The following ID3 variants were observed in gnomAD, a reference collection of about 807,000 sequenced individuals.
The protein encoded by ID3 is inhibitor of DNA binding 3, also known as DNA-binding protein inhibitor ID-3.
ID3 carries 4 observed loss-of-function variants against 9.6 expected under a neutral mutation model. That is an observed-to-expected ratio of 0.42 (90% CI 0.21 to 0.96). ID3 has a LOEUF of 0.96. ID3 is among the 40% of genes least tolerant of loss of function. The pLI is 0.30. For missense variants in ID3, 191 were observed against 164.5 expected (o/e 1.16, Z -0.88); for synonymous variants, 108 against 75.2 (o/e 1.44, Z -2.26).
chr1:23,559,388 C>G lies in ID3; in HGVS notation c.39G>C (p.Ala13=), dbSNP rs374832666. Residue 13 remains alanine, a synonymous_variant, in exon 1 of 3, where the codon GCG becomes GCC. Transcript: ENST00000374561. ...ALSPVRGCYE[A]VCCLSERSLA... The stretch of plus-strand genomic sequence containing the variant: ...GACTGCGTTCCGACAGGCAGCACAC[C>G]GCCTCGTAGCAGCCGCGCACCGGGC... 6.2e-7 allele frequency: 1 copy of G among 1,612,736 alleles called. No individual in the cohort carries two copies. Among genetic ancestry groups the G allele is most frequent in the East Asian group, 2.2e-5 (1 of 44,868 alleles).
Position 23,559,222 on chromosome 1 carries a change from T to G in ID3, c.205A>C (p.Ile69Leu), listed in dbSNP as rs753164192. The G allele has an allele frequency of 5.6e-6, 9 of 1,614,144 alleles. No individual in the cohort carries two copies. In the Admixed American group the frequency reaches 1.5e-4, roughly 27 times the overall value. The change falls in exon 1 of 3, where the codon ATC becomes CTC. Residue 69 changes from isoleucine to leucine, a missense_variant. Transcript: ENST00000374561. ...PRGTQLSQVE[I>L]LQRVIDYILD... ...ATGTAGTCGATGACGCGCTGTAGGATTTCCACCTGGCTAAGCTGAGTGCCT... is the reference window on the plus strand; with the variant it reads ...ATGTAGTCGATGACGCGCTGTAGGAGTTCCACCTGGCTAAGCTGAGTGCCT...
At position 23,559,304 on chromosome 1, in the gene ID3, C is replaced by T. The variant is rs142720912; in HGVS notation, c.123G>A (p.Leu41=). ...GPAAEEPLSL[L]DDMNHCYSRL... Reference sequence around the variant, plus strand: ...GGGAGTAGCAGTGGTTCATGTCGTCCAGCAAGCTCAGCGGCTCCTCAGCTG... The same window carrying T: ...GGGAGTAGCAGTGGTTCATGTCGTCTAGCAAGCTCAGCGGCTCCTCAGCTG... Residue 41 remains leucine, a synonymous_variant, in exon 1 of 3, where the codon CTG becomes CTA. Coordinates refer to ENST00000374561, the MANE Select transcript of ID3 (RefSeq NM_002167.5). The T allele has an allele frequency of 6.2e-6, 10 of 1,613,952 alleles. No individual in the cohort carries two copies. In the African/African-American group the frequency reaches 8.0e-5, roughly 13 times the overall value.
rs1386034939 is a variant in ID3 at position 23,558,109 on chromosome 1, C to G, written c.*332G>C. ...CTCCAAGGAGACCAGAAGACCAGCTCTGCCGCCGCCTTGGCATAGTTTGGA... is the reference window on the plus strand; with the variant it reads ...CTCCAAGGAGACCAGAAGACCAGCTGTGCCGCCGCCTTGGCATAGTTTGGA... On this transcript the variant is annotated 3_prime_UTR_variant, in exon 3 of 3. Coordinates refer to ENST00000374561, the MANE Select transcript of ID3 (RefSeq NM_002167.5). 6.5e-6 allele frequency: 1 copy of G among 152,790 alleles called. No individual in the cohort carries two copies. The highest frequency in any genetic ancestry group is 1.9e-4 in the East Asian group (1 of 5,204). 9.5% of individuals were successfully genotyped at this position (152,790 alleles called of 1,614,324 possible).
chr1:23,559,498 AC>A lies in ID3; in HGVS notation c.-73del. ...AGAAGTCCCGCTACAGTGACCTGCA[AC>A]GCGCGCACGCTCGCCGCGGCGGTCA... On this transcript the variant is annotated 5_prime_UTR_variant, in exon 1 of 3. Coordinates refer to ENST00000374561, the MANE Select transcript of ID3 (RefSeq NM_002167.5). 6.7e-7 allele frequency: 1 copy of A among 1,486,782 alleles called. No individual in the cohort carries two copies. The highest frequency in any genetic ancestry group is 9.0e-7 in the Non-Finnish European group (1 of 1,111,682). 92.1% of individuals were successfully genotyped at this position (1,486,782 alleles called of 1,614,324 possible).
Position 23,559,017 on chromosome 1 carries a change from T to C in ID3, c.303A>G (p.Thr101=). ...TGACAAGTTCCGGAGTGAGCTCGGC[T>C]GTCTGATTAGAGGAAAAGAGGGAAG... ...PPDGPHLPIQ[T]AELTPELVIS... The change falls in exon 2 of 3, where the codon ACA becomes ACG. Residue 101 remains threonine (T), a splice_region_variant and synonymous_variant. Coordinates refer to ENST00000374561, the MANE Select transcript of ID3 (RefSeq NM_002167.5). 2 of 1,614,120 alleles carry C rather than the reference T, an allele frequency of 1.2e-6. No individual in the cohort carries two copies. Among genetic ancestry groups the C allele is most frequent in the Non-Finnish European group, 1.7e-6 (2 of 1,179,982 alleles).
Position 23,558,973 on chromosome 1 carries a change from C to G in ID3, c.347G>C (p.Ser116Thr). 1 of 1,614,108 alleles carries G rather than the reference C, an allele frequency of 6.2e-7. No individual in the cohort carries two copies. The highest frequency in any genetic ancestry group is 8.5e-7 in the Non-Finnish European group (1 of 1,179,974). ...GACACGGCCGAGTCAGTGGCAAAAG[C>G]TCCTTTTGTCGTTGGAGATGACAAG... is the stretch of plus-strand genomic sequence containing the variant. ...PELVISNDKR[S>T]FCH The change falls in exon 2 of 3, where the codon AGC becomes ACC. Residue 116 changes from serine to threonine, a missense_variant. By Grantham distance (58) the Ser-to-Thr change is moderately conservative. Coordinates refer to ENST00000374561, the MANE Select transcript of ID3 (RefSeq NM_002167.5).
intron 2 of ID3, 98 bp downstream of exon 2, chr1:23,558,837 C>G (rs1643680740): frequency 1.3e-6 from 1 of 743,530 alleles, no homozygotes; most frequent in African/African-American, 1.8e-5. Context: ...TCTCTGGCCT[C>G]AGTTTCCCTA....
rs201168120 is a variant in ID3 at position 23,559,150 on chromosome 1, C to T, written c.277G>A (p.Asp93Asn). ...ACCTGGATGGGAAGGTGGGGGCCAT[C>T]AGGGGGTCCAGGGGCTGGCTCGGCC... ...VLAEPAPGPP[D>N]GPHLPIQTAE... Residue 93 changes from aspartate to asparagine, a missense_variant, in exon 1 of 3, where the codon GAT becomes AAT. Physicochemically the swap from Asp to Asn is conservative, Grantham distance 23. Transcript: ENST00000374561. 1 of 1,614,032 alleles carries T rather than the reference C, an allele frequency of 6.2e-7. No individual in the cohort carries two copies. Among genetic ancestry groups the T allele is most frequent in the African/African-American group, 1.3e-5 (1 of 74,930 alleles).
chr1:23,559,034 A>C lies in ID3; in HGVS notation c.301-15T>G. 1 of 1,613,952 alleles carries C rather than the reference A, an allele frequency of 6.2e-7. No individual in the cohort carries two copies. Among genetic ancestry groups the C allele is most frequent in the Non-Finnish European group, 8.5e-7 (1 of 1,179,820 alleles). ...AGCTCGGCTGTCTGATTAGAGGAAA[A>C]GAGGGAAGAGTTACGCGAGGCAATC... On this transcript the variant is annotated splice_polypyrimidine_tract_variant and intron_variant, in intron 1 of 2. Coordinates refer to ENST00000374561, the MANE Select transcript of ID3 (RefSeq NM_002167.5).
chr1:23,558,912 T>G, intron 2 of ID3, 23 bp downstream of exon 2: 2 of 1,537,622 alleles, frequency 1.3e-6, no homozygotes, highest in Non-Finnish European at 1.8e-6. Context: ...TAAACCTCCC[T>G]CTCCAAGAGA....
chr1:23,559,264 C>A lies in ID3; in HGVS notation c.163G>T (p.Val55Leu). The change falls in exon 1 of 3, where the codon GTA becomes TTA. Residue 55 changes from valine (V) to leucine (L), a missense_variant. Coordinates refer to ENST00000374561, the MANE Select transcript of ID3 (RefSeq NM_002167.5). The part of the protein sequence containing the change: ...NHCYSRLREL[V>L]PGVPRGTQLS... ...TGAGTGCCTCTCGGGACTCCGGGTA[C>A]CAGTTCCCGCAGGCGGGAGTAGCAG... 1 of 1,614,150 alleles carries A rather than the reference C, an allele frequency of 6.2e-7. No homozygotes were observed. The highest frequency in any genetic ancestry group is 1.3e-5 in the African/African-American group (1 of 75,058).
chr1:23,558,822 G>A (rs1643680527), intron 2 of ID3, 113 bp downstream of exon 2: 2 of 675,398 alleles, frequency 3.0e-6, no homozygotes, highest in South Asian at 1.7e-5. Flanking sequence ...CAAGTCACTT[G>A]TCCCTCTCTG....
rs559622290 is a variant in ID3, at chr1:23,558,811, G to A, written c.*25+124C>T. The stretch of plus-strand genomic sequence containing the variant: ...TGCCATTCATTTGATGCAACCATGG[G>A]CAAGTCACTTGTCCCTCTCTGGCCT... On this transcript the variant is annotated intron_variant, in intron 2 of 2. Transcript: ENST00000374561. 1.7e-5 allele frequency: 11 copies of A among 650,064 alleles called. No homozygotes were observed. In the South Asian group the frequency reaches 1.8e-4, roughly 11 times the overall value. 40.3% of individuals were successfully genotyped at this position (650,064 alleles called of 1,614,324 possible). A position where few individuals can be genotyped will look rare whatever the true frequency, so the allele number is the denominator to read the frequency against.
Position 23,558,186 on chromosome 1 carries a change from G to A in ID3, c.*255C>T, listed in dbSNP as rs1643670191. The A allele has an allele frequency of 6.5e-6, 1 of 152,684 alleles. No homozygotes were observed. The highest frequency in any genetic ancestry group is 1.5e-5 in the Non-Finnish European group (1 of 68,098). 9.5% of individuals were successfully genotyped at this position (152,684 alleles called of 1,614,324 possible). A position where few individuals can be genotyped will look rare whatever the true frequency, so the allele number is the denominator to read the frequency against. On this transcript the variant is annotated 3_prime_UTR_variant, in exon 3 of 3. Transcript: ENST00000374561. ...CGCTCTGAAGAGACCTTAGAACTTGGGGGTGGGGTGGGAGCAGGGTGACGT... is the reference window on the plus strand; with the variant it reads ...CGCTCTGAAGAGACCTTAGAACTTGAGGGTGGGGTGGGAGCAGGGTGACGT...
At position 23,559,494 on chromosome 1, in the gene ID3, T is replaced by A; in HGVS notation, c.-68A>T. 6.6e-7 allele frequency: 1 copy of A among 1,505,460 alleles called. No homozygotes were observed. Among genetic ancestry groups the A allele is most frequent in the Non-Finnish European group, 8.9e-7 (1 of 1,123,358 alleles). The allele number at this position is 1,505,460 out of a possible 1,614,324, so 93.3% of individuals were successfully genotyped here. On this transcript the variant is annotated 5_prime_UTR_variant, in exon 1 of 3. Coordinates refer to ENST00000374561, the MANE Select transcript of ID3 (RefSeq NM_002167.5). ...CAAAAGAAGTCCCGCTACAGTGACCTGCAACGCGCGCACGCTCGCCGCGGC... is the reference window on the plus strand; with the variant it reads ...CAAAAGAAGTCCCGCTACAGTGACCAGCAACGCGCGCACGCTCGCCGCGGC...
rs1558287618 is a variant in ID3 at position 23,559,160 on chromosome 1, A to AG, written c.266dup (p.Gly90TrpfsTer4). 5.0e-6 allele frequency: 8 copies of AG among 1,614,188 alleles called. No homozygotes were observed. Among genetic ancestry groups the AG allele is most frequent in the Non-Finnish European group, 6.8e-6 (8 of 1,180,034 alleles). The stretch of plus-strand genomic sequence containing the variant: ...GAAGGTGGGGGCCATCAGGGGGTCC[A>AG]GGGGCTGGCTCGGCCAGGACTACCT... On this transcript the variant is annotated frameshift_variant, in exon 1 of 3. Transcript: ENST00000374561. LOFTEE classifies it high-confidence loss of function.
chr1:23,559,441 C>A lies in ID3; in HGVS notation c.-15G>T. The A allele has an allele frequency of 6.2e-7, 1 of 1,603,290 alleles. No individual in the cohort carries two copies. The highest frequency in any genetic ancestry group is 8.5e-7 in the Non-Finnish European group (1 of 1,173,836). On this transcript the variant is annotated 5_prime_UTR_variant, in exon 1 of 3. Transcript: ENST00000374561. ...AGCGCCTTCATGCTGGGGAGTGAGTCCAGAGGTGCCCCAAAGAGAAAGAAA... is the reference window on the plus strand; with the variant it reads ...AGCGCCTTCATGCTGGGGAGTGAGTACAGAGGTGCCCCAAAGAGAAAGAAA...
rs1406505170 is a variant in ID3, at chr1:23,557,947, T to C, written c.*494A>G. On this transcript the variant is annotated 3_prime_UTR_variant, in exon 3 of 3. Coordinates refer to ENST00000374561, the MANE Select transcript of ID3 (RefSeq NM_002167.5). ...CATATACACAAGTGTTTAAAAATCG[T>C]TTATTATGCAAAATGTTAACTTTTA... 6.6e-6 allele frequency: 1 copy of C among 152,592 alleles called. No individual in the cohort carries two copies. Among genetic ancestry groups the C allele is most frequent in the East Asian group, 1.9e-4 (1 of 5,198 alleles). The allele number at this position is 152,592 out of a possible 1,614,324, so 9.5% of individuals were successfully genotyped here.
In ID3 at chr1:23,559,368, C is replaced by T. The variant is rs200199499; in HGVS notation, c.59G>A (p.Arg20His). Residue 20 changes from arginine to histidine, a missense_variant, in exon 1 of 3, where the codon CGC becomes CAC. Transcript: ENST00000374561. ...TCGGCCCCGGGCGATGGCCAGACTG[C>T]GTTCCGACAGGCAGCACACCGCCTC... ...CYEAVCCLSE[R>H]SLAIARGRGK... is the part of the protein sequence containing the mutation. 51 of 1,613,250 alleles carry T rather than the reference C, an allele frequency of 3.2e-5. No individual in the cohort carries two copies. In the Admixed American group the frequency reaches 5.2e-4, roughly 16 times the overall value.
Sources: gnomAD v4.1 joint callset for allele counts on GRCh38, gnomAD v4.1.1 for gene constraint, MANE v1.5 for transcripts, NCBI Gene and HGNC (gene_info 2026-07-23, HGNC 2026-07-21) for gene names.